PLCD3: variants seen among roughly 807,000 people sequenced by gnomAD.
The protein encoded by PLCD3 is phospholipase C delta 3.
A neutral mutation model predicts 82.8 loss-of-function variants in PLCD3; 62 were observed. That is an observed-to-expected ratio of 0.75 (90% CI 0.61 to 0.93). The LOEUF (loss-of-function observed/expected upper bound fraction) is 0.93, where lower values mean the gene tolerates loss of function less well. Ranked by LOEUF, PLCD3 falls within the 40% of genes least tolerant of loss-of-function variation. PLCD3 has a pLI of 0.00. For missense variants in PLCD3, 1,023 were observed against 1,103.4 expected (o/e 0.93, Z 1.03); for synonymous variants, 478 against 471.8 (o/e 1.01, Z -0.17).
At chr17:45,130,123 C>A (rs1164931638) in intron 1 of PLCD3, among the ~76,000 whole-genome samples, 1 of 152,130 alleles carries the variant, frequency 6.6e-6, no homozygotes, top group Non-Finnish European at 1.5e-5. Context: ...CCAACAGACT[C>A]GGACTCAACA....
chr17:45,119,102 T>G, intron 4 of PLCD3, 59 bp from the exon 5 acceptor site: 1 of 1,358,230 alleles, frequency 7.4e-7, no homozygotes, highest in Non-Finnish European at 1.0e-6. Context: ...CTGGCCCCTT[T>G]GACCCATCTG....
intron 10 of PLCD3, among the ~76,000 whole-genome samples, chr17:45,114,655 C>T (rs1030323698): frequency 2.6e-5 from 4 of 152,164 alleles, no homozygotes; most frequent in Non-Finnish European, 4.4e-5. Flanking sequence ...ACTGTGGTTC[C>T]TGGAATTCTT....
Position 45,113,237 on chromosome 17 carries a change from C to T in PLCD3, c.2016G>A (p.Leu672=), listed in dbSNP as rs991137384. 1.2e-6 allele frequency: 2 copies of T among 1,607,672 alleles called. No homozygotes were observed. The highest frequency in any genetic ancestry group is 1.3e-5 in the African/African-American group (1 of 74,830). ...GTGGCTTCTCGGCATTCAGCTTGGG[C>T]AGCTGCTGTGCAGTCAGCACCTGTG... is the stretch of plus-strand genomic sequence containing the variant. ...LSIQVLTAQQ[L]PKLNAEKPHS... Residue 672 remains leucine, a synonymous_variant, in exon 13 of 15, where the codon CTG becomes CTA. Coordinates refer to ENST00000619929, the MANE Select transcript of PLCD3 (RefSeq NM_133373.5).
chr17:45,122,926 C>G (rs1215324901), intron 1 of PLCD3, among the ~76,000 whole-genome samples: 1 of 152,040 alleles, frequency 6.6e-6, no homozygotes, highest in East Asian at 1.9e-4. Context: ...AATGAGGGCC[C>G]AGAGTTTCCA....
At position 45,118,211 on chromosome 17, in the gene PLCD3, G is replaced by A; in HGVS notation, c.1116-73C>T. 2 of 1,611,076 alleles carry A rather than the reference G, an allele frequency of 1.2e-6. No homozygotes were observed. The highest frequency in any genetic ancestry group is 2.2e-5 in the East Asian group (1 of 44,830). ...ACAGAGCAGGGCAGCAGGCAGGCTGGGCCAGGAAGGCCCCAGGAAGCCAGC... is the reference window on the plus strand; with the variant it reads ...ACAGAGCAGGGCAGCAGGCAGGCTGAGCCAGGAAGGCCCCAGGAAGCCAGC... On this transcript the variant is annotated intron_variant, in intron 6 of 14. Coordinates refer to ENST00000619929, the MANE Select transcript of PLCD3 (RefSeq NM_133373.5). The surrounding 1 kb of genome is among the most constrained non-coding windows in gnomAD (Gnocchi z 4.1).
chr17:45,119,001 T>C lies in PLCD3; in HGVS notation c.727A>G (p.Ile243Val), dbSNP rs374799765. 1.9e-6 allele frequency: 3 copies of C among 1,612,294 alleles called. No homozygotes were observed. In the African/African-American group the frequency reaches 4.0e-5, roughly 22 times the overall value. ...SNNDRLEGAE[I>V]EEFLRRLLKR... ...AGCAGCCGCCGCAGGAACTCCTCGA[T>C]CTCAGCCCCCTCTAGACGGTCGTTG... Residue 243 changes from isoleucine (I) to valine (V), a missense_variant, in exon 5 of 15, where the codon ATC (isoleucine) becomes GTC (valine). Ile to Val is a conservative substitution (Grantham distance 29). This residue lies in a region of PLCD3 where 448 missense variants were observed against 406.3 expected (regional missense o/e 1.10). Transcript: ENST00000619929.
Position 45,112,650 on chromosome 17 carries a change from G to T in PLCD3, c.2336C>A (p.Thr779Lys), listed in dbSNP as rs771010560. The stretch of plus-strand genomic sequence containing the variant: ...CTGGATGCGGATTTGGATGAAGAGC[G>T]TGGCTGGTGACAGTGAGGCCCCGTC... ...SKDGASLSPA[T>K]LFIQIRIQRS The change falls in exon 15 of 15, where the codon ACG becomes AAG. Residue 779 changes from threonine (T) to lysine (K), a missense_variant. Thr to Lys is a moderately conservative substitution (Grantham distance 78). This residue lies in a region of PLCD3 where 553 missense variants were observed against 655.7 expected (regional missense o/e 0.84). Transcript: ENST00000619929. 6.2e-7 allele frequency: 1 copy of T among 1,607,096 alleles called. No individual in the cohort carries two copies. Among genetic ancestry groups the T allele is most frequent in the Non-Finnish European group, 8.5e-7 (1 of 1,177,120 alleles).
intron 11 of PLCD3, 119 bp from the exon 12 acceptor site, chr17:45,113,724 G>T: frequency 7.9e-7 from 1 of 1,270,990 alleles, no homozygotes; most frequent in Non-Finnish European, 1.1e-6. Context: ...GCTTAGTGCT[G>T]CTCTGCTCCC....
chr17:45,121,817 C>A (rs2054343488), intron 1 of PLCD3, among the ~76,000 whole-genome samples: 1 of 152,170 alleles, frequency 6.6e-6, no homozygotes, highest in African/African-American at 2.4e-5. Context: ...TGGTGCAACC[C>A]CACCTCTACT....
intron 1 of PLCD3, among the ~76,000 whole-genome samples, chr17:45,122,298 G>A (rs576414716): frequency 2.6e-5 from 4 of 152,264 alleles, no homozygotes; most frequent in Admixed American, 6.5e-5. Flanking sequence ...CCAAGATTGC[G>A]CCACTGCACT....
chr17:45,117,657 C>G (rs1361064790), intron 7 of PLCD3, among the ~76,000 whole-genome samples: 1 of 152,180 alleles, frequency 6.6e-6, no homozygotes, highest in African/African-American at 2.4e-5. Context: ...AGTGTTTATG[C>G]AGATGCCACT....
chr17:45,123,957 C>A (rs1008562658), intron 1 of PLCD3, among the ~76,000 whole-genome samples: 2 of 35,160 alleles, frequency 5.7e-5, no homozygotes, highest in East Asian at 8.9e-4. Flanking sequence ...GCTCACCAGA[C>A]CCCCCCCCCA....
Position 45,118,345 on chromosome 17 carries a change from G to T in PLCD3, c.1061C>A (p.Thr354Asn). ...AHYFISSSHN[T>N]YLTDSQIGGP... Reference sequence around the variant, plus strand: ...CCCGATCTGGGAGTCAGTCAGATAGGTGTTGTGGGAGGAAGAGATGAAGTA... The same window carrying T: ...CCCGATCTGGGAGTCAGTCAGATAGTTGTTGTGGGAGGAAGAGATGAAGTA... The change falls in exon 6 of 15, where the codon ACC (threonine) becomes AAC (asparagine). Residue 354 changes from threonine to asparagine, a missense_variant. Thr to Asn is a moderately conservative substitution (Grantham distance 65). Around this residue, in one of 3 missense-constraint regions of PLCD3, gnomAD observed 553 missense variants for 655.7 expected, o/e 0.84. Transcript: ENST00000619929. This position sits in a 1 kb window ranked among gnomAD's most constrained non-coding sequence, Gnocchi z 4.1. 1 of 1,614,072 alleles carries T rather than the reference G, an allele frequency of 6.2e-7. No individual in the cohort carries two copies. Among genetic ancestry groups the T allele is most frequent in the Non-Finnish European group, 8.5e-7 (1 of 1,179,910 alleles).
At position 45,114,264 on chromosome 17, in the gene PLCD3, G is replaced by A. The variant is rs770985762; in HGVS notation, c.1814C>T (p.Ser605Leu). ...CCCCCACTTACCCAGCTGACAGCCC[G>A]AGTTCCACATCTCCTGGGGACTGTA... ...ANYSPQEMWNSGCQLVALNFQ... is the reference protein window; with the variant it reads ...ANYSPQEMWNLGCQLVALNFQ... The change falls in exon 11 of 15, where the codon TCG becomes TTG. Residue 605 changes from serine to leucine, a missense_variant. Around this residue, in one of 3 missense-constraint regions of PLCD3, gnomAD observed 553 missense variants for 655.7 expected, o/e 0.84. Coordinates refer to ENST00000619929, the MANE Select transcript of PLCD3 (RefSeq NM_133373.5). 36 of 1,537,744 alleles carry A rather than the reference G, an allele frequency of 2.3e-5. No individual in the cohort carries two copies. In the East Asian group the frequency reaches 3.0e-4, roughly 13 times the overall value.
chr17:45,120,473 T>C lies in PLCD3; in HGVS notation c.555-19A>G. On this transcript the variant is annotated intron_variant, in intron 3 of 14. Coordinates refer to ENST00000619929, the MANE Select transcript of PLCD3 (RefSeq NM_133373.5). ...GATCCAGGTGTGGGTGCTCAGGAAATAACAGCAACACGCCAGGCTGCCCCC... is the reference window on the plus strand; with the variant it reads ...GATCCAGGTGTGGGTGCTCAGGAAACAACAGCAACACGCCAGGCTGCCCCC... 2 of 1,613,708 alleles carry C rather than the reference T, an allele frequency of 1.2e-6. No homozygotes were observed. Among genetic ancestry groups the C allele is most frequent in the Non-Finnish European group, 1.7e-6 (2 of 1,179,760 alleles).
chr17:45,122,754 CT>C (rs1227635031), intron 1 of PLCD3, among the ~76,000 whole-genome samples: 1 of 152,182 alleles, frequency 6.6e-6, no homozygotes, highest in African/African-American at 2.4e-5. Context: ...CTCTGGCCCC[CT>C]GGAACACGTG....
In PLCD3 at chr17:45,132,309, G is replaced by A; in HGVS notation, c.102C>T (p.Ser34=). The change falls in exon 1 of 15, where the codon TCC becomes TCT. Residue 34 remains serine (S), a synonymous_variant. Transcript: ENST00000619929. This position sits in a 1 kb window ranked among gnomAD's most constrained non-coding sequence, Gnocchi z 4.6. The part of the protein sequence containing the change: ...AQVAAPVALP[S]PPTPSDGGTK... ...TGCCGCCATCGGAGGGAGTCGGCGG[G>A]GACGGGAGAGCGACCGGCGCCGCGA... The A allele has an allele frequency of 1.6e-6, 2 of 1,254,532 alleles. No homozygotes were observed. Among genetic ancestry groups the A allele is most frequent in the Non-Finnish European group, 2.0e-6 (2 of 998,924 alleles). The allele number at this position is 1,254,532 out of a possible 1,614,324, so 77.7% of individuals were successfully genotyped here.
rs1308053456 is a variant in PLCD3 at position 45,108,995 on chromosome 17, TAAAG to T, written c.*3617_*3620del. 4 of 152,710 alleles carry T rather than the reference TAAAG, an allele frequency of 2.6e-5. No individual in the cohort carries two copies. The allele number at this position is 152,710 out of a possible 1,614,324, so 9.5% of individuals were successfully genotyped here. A position where few individuals can be genotyped will look rare whatever the true frequency, so the allele number is the denominator to read the frequency against. On this transcript the variant is annotated 3_prime_UTR_variant, in exon 15 of 15. Transcript: ENST00000619929. ...CTCAATACATCTCACTTGTTTCTAA[TAAAG>T]AAAGCAGCTGAACAAAACCTTCTGT...
In PLCD3 at chr17:45,110,640, G is replaced by GCCCT; in HGVS notation, c.*1975_*1976insAGGG. ...CCCCTGGCCAGACCTGGCTCTGCAG[G>GCCCT]GGCTGGGCAATGCTAATGGCTCTTC... On this transcript the variant is annotated 3_prime_UTR_variant, in exon 15 of 15. Transcript: ENST00000619929. 1 of 152,218 alleles carries GCCCT rather than the reference G, an allele frequency of 6.6e-6. No individual in the cohort carries two copies. The highest frequency in any genetic ancestry group is 6.5e-5 in the Admixed American group (1 of 15,296). The allele number at this position is 152,218 out of a possible 1,614,324, so 9.4% of individuals were successfully genotyped here.
Sources: gnomAD v4.1 joint callset for allele counts (sites outside exome capture counted in the v4.1 genomes callset) on GRCh38, gnomAD v4.1.1 for gene constraint, gnomAD v4.1.1 regional missense constraint, Gnocchi (gnomAD v3.1) non-coding constraint, MANE v1.5 for transcripts, NCBI Gene and HGNC (gene_info 2026-07-23, HGNC 2026-07-21) for gene names.